NUP210L: variants seen among roughly 807,000 people sequenced by gnomAD.
NUP210L encodes the protein nucleoporin 210 like.
Under a neutral mutation model 208.5 loss-of-function variants are expected in NUP210L, and 74 were observed. The observed-to-expected ratio is 0.35, with a 90% CI of 0.29 to 0.43. The LOEUF is 0.43. Among genes scored for constraint, NUP210L ranks in the 20% least tolerant of loss-of-function variants. The pLI is 1.00. For synonymous variants in NUP210L, 780 were observed against 816.9 expected (o/e 0.95, Z 0.77); for missense variants, 1,843 against 2,289.4 (o/e 0.81, Z 3.98).
intron 33 of NUP210L, among the ~76,000 whole-genome samples, chr1:154,016,220 T>A (rs1651239589): frequency 6.6e-6 from 1 of 151,602 alleles, no homozygotes; most frequent in African/African-American, 2.4e-5. Context: ...TGCATCATTG[T>A]ATTCCAGCCT....
intron 2 of NUP210L, among the ~76,000 whole-genome samples, chr1:154,152,477 ATTTTTTT>A (rs11458686): frequency 2.2e-5 from 3 of 139,362 alleles, no homozygotes; most frequent in Non-Finnish European, 4.6e-5. Context: ...CCCAGCCATA[ATTTTTTT>A]TTTTTTTTTG....
chr1:154,140,037 T>G (rs975715269), intron 4 of NUP210L, 85 bp from the exon 5 acceptor site: 7 of 1,031,802 alleles, frequency 6.8e-6, no homozygotes, highest in Admixed American at 6.5e-5. Context: ...AAACATAGTT[T>G]CTTCAATGTC....
chr1:154,024,460 T>G (rs1371779324), intron 30 of NUP210L, among the ~76,000 whole-genome samples: 3 of 152,168 alleles, frequency 2.0e-5, no homozygotes, highest in African/African-American at 4.8e-5. Context: ...GTCTAAAATT[T>G]TTTTTCGTGT....
chr1:154,071,689 G>A (rs1333809596), intron 16 of NUP210L, among the ~76,000 whole-genome samples: 1 of 136,312 alleles, frequency 7.3e-6, no homozygotes, highest in Non-Finnish European at 1.5e-5. Flanking sequence ...AGGCTGGAGT[G>A]CAGTGGCACA....
In NUP210L at chr1:154,027,581, T is replaced by C. The variant is rs750612655; in HGVS notation, c.3872A>G (p.Gln1291Arg). The C allele has an allele frequency of 1.9e-6, 3 of 1,613,108 alleles. No homozygotes were observed. In the South Asian group the frequency reaches 3.3e-5, roughly 18 times the overall value. Residue 1291 changes from glutamine to arginine, a missense_variant, in exon 29 of 40, where the codon CAA becomes CGA. Around this residue, in one of 5 missense-constraint regions of NUP210L, gnomAD observed 781 missense variants for 973.8 expected, o/e 0.80. Coordinates refer to ENST00000368559, the Ensembl canonical transcript of NUP210L. ...TGGTTGGCACTCTGGATAGAAGAGT[T>C]GGAGTTTTTCAAACACCTATAATGA...
In NUP210L at chr1:154,147,848, G is replaced by C. The variant is rs190742121; in HGVS notation, c.341-4271C>G. Among the ~76,000 whole-genome samples the C allele has an allele frequency of 2.8e-3, 421 of 150,036 alleles. 4 individuals are homozygous for C. The highest frequency in any genetic ancestry group is 9.9e-3 in the African/African-American group (403 of 40,906). The stretch of plus-strand genomic sequence containing the variant: ...TTTTTTGTATTTTTAGTAGAGATGG[G>C]GTTTCACCATGTTGGCAAGCCTGGT... On this transcript the variant is annotated intron_variant, in intron 2 of 39. Coordinates refer to ENST00000368559, the Ensembl canonical transcript of NUP210L.
At chr1:154,000,744 G>A in intron 37 of NUP210L, 112 bp downstream of exon 37, 1 of 879,666 alleles carries the variant, frequency 1.1e-6, no homozygotes, top group Non-Finnish European at 1.8e-6. Context: ...TTGGACCGTG[G>A]TTGACAGTTA....
intron 23 of NUP210L, 96 bp from the exon 24 acceptor site, chr1:154,054,928 T>G: frequency 1.3e-6 from 1 of 790,904 alleles, no homozygotes; most frequent in Non-Finnish European, 2.1e-6. Flanking sequence ...TTAGACAGAG[T>G]CTTGCTCTGT....
intron 16 of NUP210L, among the ~76,000 whole-genome samples, chr1:154,075,767 A>G (rs1413007628): frequency 4.6e-5 from 7 of 152,042 alleles, no homozygotes. Context: ...CCAGACATTG[A>G]GCTTACAAGG....
Position 154,138,221 on chromosome 1 carries a change from T to A in NUP210L, c.735A>T (p.Leu245Phe), listed in dbSNP as rs1305095024. The A allele has an allele frequency of 3.3e-6, 5 of 1,537,572 alleles. No individual in the cohort carries two copies. The South Asian group carries it at 6.5e-5, about 20-fold the overall frequency. ...TATTCTCCAAAACAAGCAGACGTAT[T>A]AAGGCTGCTGCCACTTTCTAAAAGA... Residue 245 changes from leucine (L) to phenylalanine (F), a missense_variant, in exon 6 of 40, where the codon TTA becomes TTT. Physicochemically the swap from Leu to Phe is conservative, Grantham distance 22. Around this residue, in one of 5 missense-constraint regions of NUP210L, gnomAD observed 542 missense variants for 606.4 expected, o/e 0.89. Transcript: ENST00000368559.
intron 36 of NUP210L, among the ~76,000 whole-genome samples, chr1:154,001,497 A>G (rs1187652907): frequency 2.6e-5 from 4 of 152,124 alleles, no homozygotes; most frequent in Non-Finnish European, 5.9e-5. Flanking sequence ...CGCTCGGCCA[A>G]TCATTTACTT....
At chr1:154,042,562 G>A (rs1395008331) in intron 27 of NUP210L, among the ~76,000 whole-genome samples, 2 of 151,970 alleles carry the variant, frequency 1.3e-5, no homozygotes, top group Non-Finnish European at 2.9e-5. Context: ...CAGTAGCTGG[G>A]ATTACAGGTG....
intron 16 of NUP210L, among the ~76,000 whole-genome samples, chr1:154,075,201 C>A (rs1223261196): frequency 6.6e-6 from 1 of 152,098 alleles, no homozygotes; most frequent in East Asian, 1.9e-4. Context: ...GGGTTATAGG[C>A]CCTTTCAGTG....
intron 16 of NUP210L, among the ~76,000 whole-genome samples, chr1:154,086,595 G>A (rs1023232028): frequency 8.6e-5 from 13 of 151,680 alleles, no homozygotes; most frequent in African/African-American, 2.2e-4. Context: ...AGTATCATTC[G>A]AGGCCAGGAG....
At chr1:154,034,932 C>A (rs1652449583) in intron 27 of NUP210L, among the ~76,000 whole-genome samples, 1 of 150,992 alleles carries the variant, frequency 6.6e-6, no homozygotes, top group Non-Finnish European at 1.5e-5. Flanking sequence ...ACCTCTGCCT[C>A]CCAGGTTCAA....
intron 28 of NUP210L, among the ~76,000 whole-genome samples, chr1:154,028,110 A>T (rs1284154252): frequency 6.6e-6 from 1 of 152,206 alleles, no homozygotes; most frequent in Non-Finnish European, 1.5e-5. Flanking sequence ...AGAAAAAAAA[A>T]GTCTCAAAAT....
intron 27 of NUP210L, among the ~76,000 whole-genome samples, chr1:154,043,439 C>T (rs1409273959): frequency 6.6e-6 from 1 of 151,766 alleles, no homozygotes; most frequent in Non-Finnish European, 1.5e-5. Context: ...CTCAGCCACC[C>T]GCGTAGCTGG....
chr1:154,058,253 T>C, intron 21 of NUP210L, 37 bp from the exon 22 acceptor site: 2 of 1,609,644 alleles, frequency 1.2e-6, no homozygotes, highest in Non-Finnish European at 1.7e-6. Flanking sequence ...AGCAAAGGTG[T>C]CTCATTCACC....
chr1:154,007,489 C>T (rs547127535), intron 35 of NUP210L, among the ~76,000 whole-genome samples: 29 of 152,004 alleles, frequency 1.9e-4, no homozygotes, highest in African/African-American at 6.0e-4. Context: ...CGTGAACTCC[C>T]GACCTCAGGT....
Sources: gnomAD v4.1 joint callset for allele counts (sites outside exome capture counted in the v4.1 genomes callset) on GRCh38, gnomAD v4.1.1 for gene constraint, gnomAD v4.1.1 regional missense constraint, MANE v1.5 for transcripts, NCBI Gene and HGNC (gene_info 2026-07-23, HGNC 2026-07-21) for gene names.